Variants in SUGCT observed in about 807,000 individuals in gnomAD.
The protein encoded by SUGCT is succinyl-CoA:glutarate-CoA transferase.
A neutral mutation model predicts 55.0 loss-of-function variants in SUGCT; 41 were observed. The ratio of observed to expected loss-of-function variants is 0.74; its 90% CI spans 0.58 to 0.97. SUGCT has a LOEUF of 0.97. Among genes scored for constraint, SUGCT ranks in the 50% least tolerant of loss-of-function variants. The probability of loss-of-function intolerance (pLI) is 0.00; values close to 1 mark genes in which losing one functional copy is unlikely to be tolerated. For synonymous variants in SUGCT, 187 were observed against 200.4 expected (o/e 0.93, Z 0.56); for missense variants, 568 against 547.8 (o/e 1.04, Z -0.37).
intron 1 of SUGCT, among the ~76,000 whole-genome samples, chr7:40,157,518 C>T (rs919770257): frequency 2.6e-5 from 4 of 152,070 alleles, no homozygotes; most frequent in African/African-American, 9.7e-5. Flanking sequence ...TTTCAGGTTA[C>T]AAGAATGAAT....
chr7:40,185,866 C>A (rs538182627), intron 3 of SUGCT, among the ~76,000 whole-genome samples: 1 of 151,898 alleles, frequency 6.6e-6, no homozygotes, highest in Non-Finnish European at 1.5e-5. Context: ...CCTGTCTTCA[C>A]CCTTCTGATT....
chr7:40,773,955 G>A (rs192174726), intron 13 of SUGCT, among the ~76,000 whole-genome samples: 27 of 152,284 alleles, frequency 1.8e-4, no homozygotes, highest in African/African-American at 5.8e-4. Context: ...TTGTTGAATG[G>A]ACAGAGAAAC....
intron 6 of SUGCT, among the ~76,000 whole-genome samples, chr7:40,202,982 G>A (rs1562573609): frequency 6.6e-6 from 1 of 152,064 alleles, no homozygotes; most frequent in East Asian, 1.9e-4. Flanking sequence ...CCTTGCCTTT[G>A]GTATTCTTTC....
At chr7:40,913,192 A>G in the SUGCT span, among the ~76,000 whole-genome samples, 1 of 151,882 alleles carries the variant, frequency 6.6e-6, no homozygotes, top group East Asian at 1.9e-4. Context: ...TTGTACTTTT[A>G]GTAGAGACGG....
chr7:40,944,067 A>G, the SUGCT span, among the ~76,000 whole-genome samples: 6 of 152,054 alleles, frequency 3.9e-5, no homozygotes, highest in Non-Finnish European at 8.8e-5. Flanking sequence ...TTTTGGCTGC[A>G]TAAATGTCTT....
intron 7 of SUGCT, among the ~76,000 whole-genome samples, chr7:40,254,751 G>A (rs185763867): frequency 2.6e-5 from 4 of 151,598 alleles, no homozygotes; most frequent in Admixed American, 1.3e-4. Flanking sequence ...AAAATGTCAG[G>A]TTTTACCTCT....
At chr7:40,249,945 C>T (rs537134730) in intron 7 of SUGCT, among the ~76,000 whole-genome samples, 3 of 152,210 alleles carry the variant, frequency 2.0e-5, no homozygotes, top group Non-Finnish European at 2.9e-5. Flanking sequence ...CACCACCATG[C>T]GTGGATAATT....
At chr7:40,643,193 C>T (rs549815303) in intron 12 of SUGCT, among the ~76,000 whole-genome samples, 2 of 152,240 alleles carry the variant, frequency 1.3e-5, no homozygotes, top group East Asian at 3.9e-4. Context: ...AGGTATATTG[C>T]AAGATAAGAA....
chr7:40,907,104 TG>T, the SUGCT span, among the ~76,000 whole-genome samples: 9 of 113,524 alleles, frequency 7.9e-5, 1 homozygote, highest in South Asian at 5.4e-4. Flanking sequence ...ATAGTGTGTG[TG>T]TGTGTGTGTG....
At chr7:40,331,202 A>G (rs1176046013) in intron 9 of SUGCT, among the ~76,000 whole-genome samples, 1 of 152,204 alleles carries the variant, frequency 6.6e-6, no homozygotes, top group African/African-American at 2.4e-5. Flanking sequence ...ATCATGGAAA[A>G]CAAGCCTAAA....
chr7:40,833,936 G>T (rs1174691697), intron 13 of SUGCT, among the ~76,000 whole-genome samples: 1 of 152,196 alleles, frequency 6.6e-6, no homozygotes, highest in African/African-American at 2.4e-5. Context: ...AGAACCATTA[G>T]AAATTGTTTT....
At chr7:40,278,677 C>T (rs566040733) in intron 8 of SUGCT, among the ~76,000 whole-genome samples, 1 of 152,168 alleles carries the variant, frequency 6.6e-6, no homozygotes, top group African/African-American at 2.4e-5. Context: ...GCCTGGACAT[C>T]TCTTTTCTCC....
intron 12 of SUGCT, among the ~76,000 whole-genome samples, chr7:40,562,291 T>C (rs1795882511): frequency 7.0e-6 from 1 of 142,042 alleles, no homozygotes; most frequent in Non-Finnish European, 1.5e-5. Flanking sequence ...AGAGCGAGAT[T>C]CCGTCTCAAA....
At chr7:40,915,118 G>A in the SUGCT span, among the ~76,000 whole-genome samples, 3 of 152,132 alleles carry the variant, frequency 2.0e-5, no homozygotes, top group African/African-American at 2.4e-5. Context: ...TGTTCCCTAC[G>A]TGACAAAGAG....
chr7:40,243,839 C>A (rs1789633510), intron 7 of SUGCT, among the ~76,000 whole-genome samples: 1 of 152,152 alleles, frequency 6.6e-6, no homozygotes, highest in Non-Finnish European at 1.5e-5. Flanking sequence ...CTATTTATGG[C>A]TTACACTGAA....
chr7:40,721,289 A>G (rs544004225), intron 12 of SUGCT, among the ~76,000 whole-genome samples: 11 of 152,312 alleles, frequency 7.2e-5, no homozygotes, highest in Non-Finnish European at 1.5e-4. Context: ...CAGAGCTGCC[A>G]TTTTATACTA....
At chr7:40,170,706 G>A (rs1474992912) in intron 1 of SUGCT, among the ~76,000 whole-genome samples, 1 of 152,034 alleles carries the variant, frequency 6.6e-6, no homozygotes, top group Non-Finnish European at 1.5e-5. Context: ...ACAAAGAAAG[G>A]GGTATGGGTT....
chr7:40,541,829 A>G (rs892205228), intron 12 of SUGCT, among the ~76,000 whole-genome samples: 3 of 152,344 alleles, frequency 2.0e-5, no homozygotes, highest in Middle Eastern at 3.4e-3. Context: ...TGTAAACTAG[A>G]AAAAACAAAA....
intron 12 of SUGCT, among the ~76,000 whole-genome samples, chr7:40,545,282 C>T (rs1041489066): frequency 6.6e-6 from 1 of 152,190 alleles, no homozygotes; most frequent in Non-Finnish European, 1.5e-5. Context: ...CAGTGAAGGT[C>T]AATGAAAGGT....
Sources: gnomAD v4.1 joint callset for allele counts (sites outside exome capture counted in the v4.1 genomes callset) on GRCh38, gnomAD v4.1.1 for gene constraint, MANE v1.5 for transcripts, NCBI Gene and HGNC (gene_info 2026-07-23, HGNC 2026-07-21) for gene names.